BLTP3A: variants seen among roughly 807,000 people sequenced by gnomAD.
The protein encoded by BLTP3A is bridge-like lipid transfer protein family member 3A, also known as ICBP90 binding protein 1.
the BLTP3A span, among the ~76,000 whole-genome samples, chr6:34,830,104 C>T: frequency 8.6e-5 from 13 of 151,894 alleles, no homozygotes; most frequent in African/African-American, 2.2e-4. Context: ...TGAGCTACCG[C>T]GCCTGGCCTC....
At chr6:34,802,373 A>ATT in the BLTP3A span, among the ~76,000 whole-genome samples, 2,438 of 139,574 alleles carry the variant, frequency 0.017, 76 homozygotes, top group African/African-American at 0.057. Context: ...AGCCCGGCTA[A>ATT]TTTTTTTTTT....
At chr6:34,827,762 G>T in the BLTP3A span, among the ~76,000 whole-genome samples, 1 of 152,120 alleles carries the variant, frequency 6.6e-6, no homozygotes, top group Non-Finnish European at 1.5e-5. Flanking sequence ...TTCCTAAGTA[G>T]CTGGGATTAT....
chr6:34,865,581 AT>A, the BLTP3A span, among the ~76,000 whole-genome samples: 44 of 152,264 alleles, frequency 2.9e-4, no homozygotes, highest in East Asian at 7.7e-3. Context: ...TGGTAACTCT[AT>A]TTTTAGCTTT....
chr6:34,811,617 AG>A, the BLTP3A span, among the ~76,000 whole-genome samples: 3 of 150,328 alleles, frequency 2.0e-5, no homozygotes, highest in African/African-American at 7.3e-5. Flanking sequence ...TGGGAGGCTG[AG>A]GTGGGTGGAT....
chr6:34,875,955 A>T, the BLTP3A span: 1 of 152,646 alleles, frequency 6.6e-6, no homozygotes. Flanking sequence ...GTCTGGAGAG[A>T]TAGCACCACT....
the BLTP3A span, among the ~76,000 whole-genome samples, chr6:34,808,098 C>A: frequency 6.6e-6 from 1 of 151,484 alleles, no homozygotes; most frequent in South Asian, 2.1e-4. Flanking sequence ...AATCCCAGTA[C>A]TTTGGGAGGC....
At chr6:34,800,413 T>C in the BLTP3A span, among the ~76,000 whole-genome samples, 1 of 152,062 alleles carries the variant, frequency 6.6e-6, no homozygotes, top group Admixed American at 6.6e-5. Context: ...AGTGGGTAAA[T>C]TGGGAGAAGA....
At chr6:34,799,733 A>G in the BLTP3A span, among the ~76,000 whole-genome samples, 1 of 152,174 alleles carries the variant, frequency 6.6e-6, no homozygotes, top group Non-Finnish European at 1.5e-5. Context: ...CCAAGTTTCA[A>G]TTTCTTCATC....
the BLTP3A span, among the ~76,000 whole-genome samples, chr6:34,844,456 G>T: frequency 3.9e-5 from 6 of 152,156 alleles, no homozygotes; most frequent in Non-Finnish European, 7.4e-5. Flanking sequence ...TGTATTTTTA[G>T]TAAAGACAGG....
At chr6:34,831,966 C>T in the BLTP3A span, among the ~76,000 whole-genome samples, 2 of 152,062 alleles carry the variant, frequency 1.3e-5, no homozygotes, top group African/African-American at 4.8e-5. Context: ...AGGTGTGCAC[C>T]ACCACGCCTA....
the BLTP3A span, chr6:34,870,867 G>T: frequency 1.2e-6 from 2 of 1,614,090 alleles, no homozygotes; most frequent in Non-Finnish European, 1.7e-6. Context: ...CATGCTTTCA[G>T]GAATCCTCAA....
chr6:34,829,510 GT>G, the BLTP3A span, among the ~76,000 whole-genome samples: 24 of 152,256 alleles, frequency 1.6e-4, no homozygotes, highest in African/African-American at 5.1e-4. Context: ...TTAACATTAT[GT>G]TTGTGAGAGA....
chr6:34,834,995 G>T, the BLTP3A span: 1 of 1,206,292 alleles, frequency 8.3e-7, no homozygotes, highest in Non-Finnish European at 1.2e-6. Context: ...CTGTAAATCA[G>T]TGTTGCTCAA....
the BLTP3A span, among the ~76,000 whole-genome samples, chr6:34,844,761 C>G: frequency 9.2e-5 from 14 of 152,198 alleles, no homozygotes; most frequent in African/African-American, 3.1e-4. Context: ...TAATCCCTTG[C>G]CAGATGAATA....
At chr6:34,856,869 A>G in the BLTP3A span, 1 of 1,614,192 alleles carries the variant, frequency 6.2e-7, no homozygotes, top group Non-Finnish European at 8.5e-7. Flanking sequence ...AGCCTCCAGC[A>G]TGGAACCGCT....
chr6:34,807,692 G>A, the BLTP3A span, among the ~76,000 whole-genome samples: 3 of 152,190 alleles, frequency 2.0e-5, no homozygotes, highest in Non-Finnish European at 4.4e-5. Context: ...TAGATTTGTT[G>A]ACAGTGTAAA....
chr6:34,856,510 T>C, the BLTP3A span: 26 of 1,438,966 alleles, frequency 1.8e-5, no homozygotes, highest in Non-Finnish European at 2.3e-5. Context: ...TTATCCCAGC[T>C]GTATGTAATG....
chr6:34,821,872 G>T, the BLTP3A span: 1 of 1,614,134 alleles, frequency 6.2e-7, no homozygotes, highest in Admixed American at 1.7e-5. Context: ...CTGCTTTCTG[G>T]AGGGTCAGCT....
the BLTP3A span, chr6:34,863,874 G>C: frequency 8.0e-6 from 7 of 871,340 alleles, no homozygotes; most frequent in Admixed American, 6.0e-5. Flanking sequence ...TAATGTCAAA[G>C]TTGTATGTTC....
Sources: allele counts gnomAD v4.1 joint callset (sites outside exome capture counted in the v4.1 genomes callset), GRCh38; gene constraint gnomAD v4.1.1; transcripts MANE v1.5; gene names NCBI Gene and HGNC (gene_info 2026-07-23, HGNC 2026-07-21).